Variants in CELF2 observed in about 807,000 individuals in gnomAD.
The protein encoded by CELF2 is CUG triplet repeat RNA-binding protein 2.
In CELF2, 8 loss-of-function variants were observed where a neutral mutation model predicts 62.6. The ratio of observed to expected loss-of-function variants is 0.13; its 90% CI spans 0.07 to 0.23. The LOEUF (loss-of-function observed/expected upper bound fraction) is 0.23. CELF2 is among the 10% of genes least tolerant of loss of function. The pLI is 1.00. For missense variants in CELF2, 333 were observed against 671.0 expected (o/e 0.50, Z 5.56); for synonymous variants, 258 against 250.0 (o/e 1.03, Z -0.30).
At chr10:11,082,233 A>T (rs1306288324) in intron 1 of CELF2, among the ~76,000 whole-genome samples, 1 of 152,184 alleles carries the variant, frequency 6.6e-6, no homozygotes, top group Non-Finnish European at 1.5e-5. Flanking sequence ...GGAAAAAAAA[A>T]TGGTATCCTG....
At chr10:10,786,322 T>C in the CELF2 span, among the ~76,000 whole-genome samples, 1 of 152,162 alleles carries the variant, frequency 6.6e-6, no homozygotes, top group African/African-American at 2.4e-5. Context: ...GAAATCTCCT[T>C]TGGACTCACT....
At chr10:11,086,662 A>C (rs2141714158) in intron 1 of CELF2, among the ~76,000 whole-genome samples, 1 of 150,438 alleles carries the variant, frequency 6.6e-6, no homozygotes, top group African/African-American at 2.4e-5. Context: ...CTGAGCAATA[A>C]ATCTCTCGAG....
At chr10:10,823,073 C>A (rs2057097262) in intron 1 of CELF2, among the ~76,000 whole-genome samples, 1 of 151,820 alleles carries the variant, frequency 6.6e-6, no homozygotes, top group African/African-American at 2.4e-5. Context: ...TGAAATGGAG[C>A]AAAAAAGACC....
intron 1 of CELF2, among the ~76,000 whole-genome samples, chr10:11,080,142 A>G (rs952819433): frequency 3.9e-5 from 6 of 152,224 alleles, no homozygotes; most frequent in Non-Finnish European, 8.8e-5. Flanking sequence ...TGAGCAAATC[A>G]TTTAACCTCT....
intron 2 of CELF2, among the ~76,000 whole-genome samples, chr10:10,965,293 C>T (rs2050004510): frequency 6.6e-6 from 1 of 152,030 alleles, no homozygotes; most frequent in Non-Finnish European, 1.5e-5. Context: ...GTCAGCTTCC[C>T]CAAAGTGCTT....
the CELF2 span, among the ~76,000 whole-genome samples, chr10:10,728,555 C>G: frequency 6.6e-6 from 1 of 151,828 alleles, no homozygotes; most frequent in Non-Finnish European, 1.5e-5. Context: ...GTGCCAGCTG[C>G]TCTGGAGGTT....
chr10:11,095,779 G>A lies in CELF2; in HGVS notation c.75-69707G>A, dbSNP rs79707096. 8.1e-3 allele frequency among the ~76,000 whole-genome samples: 1,227 copies of A among 152,104 alleles called. 16 individuals carry two copies. Among genetic ancestry groups the A allele is most frequent in the African/African-American group, 0.028 (1,172 of 41,434 alleles). On this transcript the variant is annotated intron_variant, in intron 1 of 12. Coordinates refer to ENST00000633077, the MANE Select transcript of CELF2 (RefSeq NM_001326342.2). ...GGCATTCATCATCATGACAGGAGAC[G>A]CTTCGAAATGAAATTCTCACAAATT... is the stretch of plus-strand genomic sequence containing the variant.
the CELF2 span, among the ~76,000 whole-genome samples, chr10:10,510,959 G>A: frequency 6.6e-4 from 100 of 152,346 alleles, no homozygotes; most frequent in African/African-American, 2.3e-3. Flanking sequence ...AAGGGAAAAG[G>A]ATAAAGGAGT....
the CELF2 span, among the ~76,000 whole-genome samples, chr10:10,616,150 C>T: frequency 2.6e-5 from 4 of 152,024 alleles, no homozygotes; most frequent in East Asian, 7.7e-4. Flanking sequence ...GGAACCTAAG[C>T]CTGTATTTCT....
chr10:10,844,919 T>C (rs192976296), intron 1 of CELF2, among the ~76,000 whole-genome samples: 117 of 152,270 alleles, frequency 7.7e-4, no homozygotes, highest in African/African-American at 2.6e-3. Flanking sequence ...CTTGTAACTA[T>C]TCATGAGCTC....
rs537895977 is a variant in CELF2, at chr10:11,201,413, G to T, written c.272-16012G>T. 4.6e-5 allele frequency among the ~76,000 whole-genome samples: 7 copies of T among 152,034 alleles called. No individual in the cohort carries two copies. In the East Asian group the frequency reaches 1.2e-3, roughly 25 times the overall value. ...TCACTCTACCATCTCTTTGGTTTTT[G>T]TGTGTGTGTGTGTTTTGTTACTTTT... is the stretch of plus-strand genomic sequence containing the variant. On this transcript the variant is annotated intron_variant, in intron 2 of 12. Transcript: ENST00000633077.
chr10:11,232,281 A>G (rs1469262746), intron 3 of CELF2, among the ~76,000 whole-genome samples: 1 of 152,060 alleles, frequency 6.6e-6, no homozygotes, highest in African/African-American at 2.4e-5. Flanking sequence ...TCAGTATCTG[A>G]TTAGAGCTGA....
intron 1 of CELF2, among the ~76,000 whole-genome samples, chr10:11,093,414 T>G (rs1048084770): frequency 6.6e-6 from 1 of 152,198 alleles, no homozygotes; most frequent in Non-Finnish European, 1.5e-5. Context: ...AAATTTTAAT[T>G]TATTTATGTA....
chr10:11,225,669 G>T (rs1254122229), intron 3 of CELF2, among the ~76,000 whole-genome samples: 1 of 152,146 alleles, frequency 6.6e-6, no homozygotes, highest in Non-Finnish European at 1.5e-5. Context: ...AAGGGCAAGG[G>T]GATGGACTCG....
In CELF2 at chr10:11,333,922, C is replaced by T. The variant is rs1036288263; in HGVS notation, c.*4869C>T. ...AAAATGGAAATTTTTGTGGCTTGCT[C>T]TGGTGGGCCCCTGACAATGACTGAT... On this transcript the variant is annotated 3_prime_UTR_variant, in exon 13 of 13. Transcript: ENST00000633077. The T allele has an allele frequency of 2.0e-5, 3 of 151,884 alleles. No individual in the cohort carries two copies. The highest frequency in any genetic ancestry group is 4.4e-5 in the Non-Finnish European group (3 of 67,974). 9.4% of individuals were successfully genotyped at this position (151,884 alleles called of 1,614,324 possible). A position where few individuals can be genotyped will look rare whatever the true frequency, so the allele number is the denominator to read the frequency against.
At chr10:11,182,960 C>T (rs111925276) in intron 2 of CELF2, among the ~76,000 whole-genome samples, 54 of 152,276 alleles carry the variant, frequency 3.5e-4, no homozygotes, top group African/African-American at 1.3e-3. Context: ...AGGGTCTTTT[C>T]AACAGCTCAA....
intron 2 of CELF2, among the ~76,000 whole-genome samples, chr10:10,941,838 A>C (rs181063186): frequency 6.6e-6 from 1 of 152,208 alleles, no homozygotes; most frequent in Non-Finnish European, 1.5e-5. Flanking sequence ...TATTAAAAAT[A>C]CAAAAATTAG....
the CELF2 span, among the ~76,000 whole-genome samples, chr10:10,537,911 G>A: frequency 0.41 from 62,710 of 152,022 alleles, 13,588 homozygotes; most frequent in South Asian, 0.53. Context: ...AGAAGACTTG[G>A]GGGGTCCGTG....
chr10:10,714,263 T>C, the CELF2 span, among the ~76,000 whole-genome samples: 1 of 152,220 alleles, frequency 6.6e-6, no homozygotes, highest in Non-Finnish European at 1.5e-5. Flanking sequence ...CACTGTTATT[T>C]CGTCTGTAAT....
Sources: gnomAD v4.1 joint callset for allele counts (sites outside exome capture counted in the v4.1 genomes callset) on GRCh38, gnomAD v4.1.1 for gene constraint, MANE v1.5 for transcripts, NCBI Gene and HGNC (gene_info 2026-07-23, HGNC 2026-07-21) for gene names.